The following ERCC1 variants were observed in gnomAD, a reference collection of about 807,000 sequenced individuals.
ERCC1 encodes the protein ERCC excision repair 1, endonuclease non-catalytic subunit, also known as DNA excision repair protein ERCC-1.
In ERCC1, 36 loss-of-function variants were observed where a neutral mutation model predicts 37.6. The ratio of observed to expected loss-of-function variants is 0.96; its 90% CI spans 0.73 to 1.26. The LOEUF (loss-of-function observed/expected upper bound fraction) is 1.26. Among genes scored for constraint, ERCC1 ranks in the 50% most tolerant of loss-of-function variants. The pLI, the probability that ERCC1 is intolerant of heterozygous loss-of-function variation, is 0.00. For synonymous variants in ERCC1, 156 were observed against 162.1 expected, an observed-to-expected ratio of 0.96 and a Z score of 0.28; for missense variants, 349 against 376.5, an observed-to-expected ratio of 0.93 and a Z score of 0.60.
intron 1 of ERCC1, among the ~76,000 whole-genome samples, chr19:45,450,887 G>GCCCCCCCCCCC (rs56670394): frequency 3.4e-5 from 2 of 59,382 alleles, no homozygotes; most frequent in Admixed American, 1.9e-4. Context: ...CCGTGCGCCC[G>GCCCCCCCCCCC]CCCCCCCCCC....
intron 1 of ERCC1, among the ~76,000 whole-genome samples, chr19:45,439,462 C>T (rs1975062069): frequency 6.6e-6 from 1 of 152,130 alleles, no homozygotes; most frequent in Admixed American, 6.5e-5. Context: ...CTTTGGGAGG[C>T]CGAGGTAGCA....
chr19:45,418,089 G>C (rs1306035906), intron 5 of ERCC1, among the ~76,000 whole-genome samples: 2 of 152,116 alleles, frequency 1.3e-5, no homozygotes, highest in East Asian at 1.9e-4. Context: ...ATCACCTGGT[G>C]GGGGTGGCTC....
At chr19:45,451,392 A>G (rs78234255) in intron 1 of ERCC1, among the ~76,000 whole-genome samples, 2,610 of 152,220 alleles carry the variant, frequency 0.017, 70 homozygotes, top group African/African-American at 0.058. Context: ...AGACAGACAG[A>G]CAAGGGGAGA....
intron 9 of ERCC1, among the ~76,000 whole-genome samples, chr19:45,412,953 C>G (rs1181087220): frequency 1.3e-5 from 2 of 152,150 alleles, no homozygotes; most frequent in African/African-American, 4.8e-5. Context: ...GTTGGCCAGG[C>G]TGGTCCCAAA....
At chr19:45,427,438 G>C (rs1280892590), upstream of ERCC1, among the ~76,000 whole-genome samples, 1 of 149,934 alleles carries the variant, frequency 6.7e-6, no homozygotes, top group Non-Finnish European at 1.5e-5. Flanking sequence ...ATGAAACCTT[G>C]TCTCTACTAA....
In ERCC1 at chr19:45,420,396, T is replaced by A. The variant is rs749201799; in HGVS notation, c.353A>T (p.Asn118Ile). The A allele has an allele frequency of 6.2e-7, 1 of 1,613,550 alleles. No individual in the cohort carries two copies. The highest frequency in any genetic ancestry group is 1.7e-5 in the Admixed American group (1 of 59,958). The change falls in exon 4 of 10, where the codon AAT becomes ATT. Residue 118 changes from asparagine to isoleucine, a missense_variant. Coordinates refer to ENST00000300853, the MANE Select transcript of ERCC1 (RefSeq NM_001983.4). This position sits in a 1 kb window ranked among gnomAD's most constrained non-coding sequence, Gnocchi z 4.8. The part of the protein sequence containing the change: ...RGNPVLKFVR[N>I]VPWEFGDVIP... ...TACGTCGCCAAATTCCCAGGGCACA[T>A]TGCGCACGAACTTCAGTACGGGATT...
rs1240494019 is a variant in ERCC1 at position 45,420,522 on chromosome 19, C to T, written c.322-95G>A. 5 of 757,232 alleles carry T rather than the reference C, an allele frequency of 6.6e-6. No individual in the cohort carries two copies. Among genetic ancestry groups the T allele is most frequent in the Non-Finnish European group, 1.2e-5 (5 of 427,780 alleles). 46.9% of individuals were successfully genotyped at this position (757,232 alleles called of 1,614,324 possible). ...CTCTTCTTGCACCTCCTCCCTCCTC[C>T]CACCTCTTCCCACACCTCCTGCCTC... On this transcript the variant is annotated intron_variant, in intron 3 of 9. Transcript: ENST00000300853. The surrounding 1 kb of genome is among the most constrained non-coding windows in gnomAD (Gnocchi z 4.8).
intron 9 of ERCC1, chr19:45,410,730 G>C (rs1364400438): frequency 6.6e-6 from 1 of 152,054 alleles, no homozygotes; most frequent in South Asian, 2.1e-4. Flanking sequence ...ATAAGAACAT[G>C]CAATGTTTGT....
chr19:45,439,268 A>C (rs1975057623), intron 1 of ERCC1, among the ~76,000 whole-genome samples: 1 of 152,188 alleles, frequency 6.6e-6, no homozygotes, highest in Non-Finnish European at 1.5e-5. Flanking sequence ...GGAAGTGTCC[A>C]AGCTCAAGTT....
intron 9 of ERCC1, among the ~76,000 whole-genome samples, chr19:45,412,939 C>G (rs1973831316): frequency 1.3e-5 from 2 of 151,984 alleles, no homozygotes; most frequent in African/African-American, 4.8e-5. Flanking sequence ...TGGGGTGTCT[C>G]CATGTTGGCC....
At chr19:45,429,479 G>A (rs1453034282) in intron 1 of ERCC1, among the ~76,000 whole-genome samples, 1 of 151,620 alleles carries the variant, frequency 6.6e-6, no homozygotes, top group African/African-American at 2.4e-5. Flanking sequence ...AAAGAAAGAA[G>A]GAAAGAAAAA....
At chr19:45,446,457 A>G (rs1346091027) in intron 1 of ERCC1, among the ~76,000 whole-genome samples, 1 of 152,228 alleles carries the variant, frequency 6.6e-6, no homozygotes, top group Non-Finnish European at 1.5e-5. Flanking sequence ...ACATCCCCAT[A>G]AAAGTTAACA....
upstream of ERCC1, among the ~76,000 whole-genome samples, chr19:45,425,606 G>C (rs1385286481): frequency 2.0e-5 from 3 of 151,916 alleles, no homozygotes; most frequent in Non-Finnish European, 4.4e-5. Flanking sequence ...TTGACCTCAA[G>C]TGATCTGCCC....
At chr19:45,439,172 C>G (rs1455214891) in intron 1 of ERCC1, among the ~76,000 whole-genome samples, 2 of 151,916 alleles carry the variant, frequency 1.3e-5, no homozygotes, top group South Asian at 4.1e-4. Context: ...GGCGACAGAG[C>G]GAGACTCTGT....
In ERCC1 at chr19:45,443,527, C is replaced by G. The variant is rs905292843; in HGVS notation, c.-7-20146G>C. Reference sequence around the variant, plus strand: ...TGGACTCCGCCCACTTGTGACGTCACGAGCCGCTCCCCCAGGATCCCGACC... The same window carrying G: ...TGGACTCCGCCCACTTGTGACGTCAGGAGCCGCTCCCCCAGGATCCCGACC... On this transcript the variant is annotated intron_variant, in intron 1 of 8. Transcript: ENST00000423698. 1.4e-4 allele frequency among the ~76,000 whole-genome samples: 22 copies of G among 152,296 alleles called. 1 individual carries two copies. In the South Asian group the frequency reaches 3.9e-3, roughly 27 times the overall value.
intron 6 of ERCC1, chr19:45,415,676 A>C (rs1426742789): frequency 2.4e-6 from 1 of 410,520 alleles, no homozygotes; most frequent in African/African-American, 2.1e-5. Flanking sequence ...GGTTGCTAAA[A>C]ATCAAAATTC....
chr19:45,437,672 T>C (rs1264978434), intron 1 of ERCC1, among the ~76,000 whole-genome samples: 2 of 152,040 alleles, frequency 1.3e-5, no homozygotes, highest in African/African-American at 2.4e-5. Flanking sequence ...AGAAACAGTA[T>C]AAAGGTGGCT....
At chr19:45,419,818 C>T (rs944933807) in intron 4 of ERCC1, among the ~76,000 whole-genome samples, 37 of 152,108 alleles carry the variant, frequency 2.4e-4, no homozygotes, top group Admixed American at 1.2e-3. Context: ...GTCCCTCCTC[C>T]GTCAGATCCA....
Position 45,408,606 on chromosome 19 carries a change from A to G in ERCC1, c.*1069T>C. The G allele has an allele frequency of 1.2e-6, 2 of 1,613,770 alleles. No individual in the cohort carries two copies. The highest frequency in any genetic ancestry group is 2.2e-5 in the South Asian group (2 of 91,072). ...TCGCCAGAAATGGATGTGCGGAAGA[A>G]GAAGAAGAAAAAAAATCAGCAGCTG... On this transcript the variant is annotated 3_prime_UTR_variant, in exon 10 of 10. Coordinates refer to ENST00000300853, the MANE Select transcript of ERCC1 (RefSeq NM_001983.4).
Sources: allele counts gnomAD v4.1 joint callset (sites outside exome capture counted in the v4.1 genomes callset), GRCh38; gene constraint gnomAD v4.1.1; non-coding constraint Gnocchi (gnomAD v3.1); transcripts MANE v1.5; gene names NCBI Gene and HGNC (gene_info 2026-07-23, HGNC 2026-07-21).